NFX1: variants seen among roughly 807,000 people sequenced by gnomAD.
NFX1 encodes the protein nuclear transcription factor, X-box binding 1.
In NFX1, 69 loss-of-function variants were observed where a neutral mutation model predicts 137.2. The ratio of observed to expected loss-of-function variants is 0.50; its 90% CI spans 0.41 to 0.61. The LOEUF (loss-of-function observed/expected upper bound fraction) is 0.61, where lower values mean the gene tolerates loss of function less well. Among genes scored for constraint, NFX1 ranks in the 20% least tolerant of loss-of-function variants. The probability of loss-of-function intolerance (pLI) is 0.00; values close to 1 mark genes in which losing one functional copy is unlikely to be tolerated. For synonymous variants in NFX1, 495 were observed against 474.1 expected, an observed-to-expected ratio of 1.04 and a Z score of -0.57; for missense variants, 1,167 against 1,391.0, an observed-to-expected ratio of 0.84 and a Z score of 2.56.
chr9:33,307,728 G>A (rs935689250), intron 5 of NFX1, among the ~76,000 whole-genome samples: 3 of 151,110 alleles, frequency 2.0e-5, no homozygotes, highest in Non-Finnish European at 2.9e-5. Context: ...AAAGACAATT[G>A]TTTAGGGTCC....
At chr9:33,333,832 A>G (rs1274244179) in intron 11 of NFX1, among the ~76,000 whole-genome samples, 4 of 152,164 alleles carry the variant, frequency 2.6e-5, no homozygotes, top group Non-Finnish European at 2.9e-5. Context: ...TATCAAGGAA[A>G]AAAAGTTTGG....
chr9:33,299,319 C>T (rs998740707), intron 2 of NFX1, among the ~76,000 whole-genome samples: 4 of 152,192 alleles, frequency 2.6e-5, no homozygotes, highest in African/African-American at 9.7e-5. Context: ...GAGTCTCCTA[C>T]CATCTCTGAC....
chr9:33,368,831 G>T (rs1441447185), intron 23 of NFX1, among the ~76,000 whole-genome samples: 1 of 152,162 alleles, frequency 6.6e-6, no homozygotes. Flanking sequence ...AGACAGCTAG[G>T]TGTTGCCCAT....
chr9:33,303,113 C>T (rs1821632458), intron 3 of NFX1, 78 bp from the exon 4 acceptor site: 1 of 1,104,110 alleles, frequency 9.1e-7, no homozygotes, highest in South Asian at 1.3e-5. Flanking sequence ...TTGTGTCTTC[C>T]TATAGATTTA....
intron 10 of NFX1, among the ~76,000 whole-genome samples, chr9:33,331,039 G>A (rs766181742): frequency 3.3e-5 from 5 of 152,132 alleles, no homozygotes; most frequent in Admixed American, 3.3e-4. Flanking sequence ...GGTGGTGGGC[G>A]CCTGTAGTCC....
intron 7 of NFX1, among the ~76,000 whole-genome samples, chr9:33,314,834 G>T (rs936097332): frequency 6.6e-6 from 1 of 152,084 alleles, no homozygotes; most frequent in Non-Finnish European, 1.5e-5. Context: ...TGTTTTGGGT[G>T]GTGGTCACAC....
Position 33,328,670 on chromosome 9 carries a change from A to G in NFX1, c.1996A>G (p.Arg666Gly). 6.2e-7 allele frequency: 1 copy of G among 1,610,788 alleles called. No homozygotes were observed. The highest frequency in any genetic ancestry group is 1.1e-5 in the South Asian group (1 of 90,970). Residue 666 changes from arginine to glycine, a missense_variant, in exon 10 of 24, where the codon AGA (arginine) becomes GGA (glycine). By Grantham distance (125) the Arg-to-Gly change is moderately radical (BLOSUM62 -2). Coordinates refer to ENST00000379540, the MANE Select transcript of NFX1 (RefSeq NM_002504.6). ...TSVISCRCSF[R>G]TKELPCTSLK... ...AGTTATTTCCTGCAGATGCTCTTTC[A>G]GAACAAAGGTAAATCCTAAACAATG...
rs1824306640 is a variant in NFX1, at chr9:33,370,909, A to C, written c.*931A>C. ...TGGACTCTGTTTGAATATTCCAAGT[A>C]GTATATGGACAGTCCAGGGCTTATG... On this transcript the variant is annotated 3_prime_UTR_variant, in exon 24 of 24. Transcript: ENST00000379540. 1 of 152,242 alleles carries C rather than the reference A, an allele frequency of 6.6e-6. No homozygotes were observed. Among genetic ancestry groups the C allele is most frequent in the Admixed American group, 6.5e-5 (1 of 15,280 alleles). 9.4% of individuals were successfully genotyped at this position (152,242 alleles called of 1,614,324 possible).
intron 12 of NFX1, among the ~76,000 whole-genome samples, chr9:33,339,953 G>C (rs1019543557): frequency 2.6e-5 from 4 of 152,226 alleles, no homozygotes; most frequent in South Asian, 2.1e-4. Flanking sequence ...GCAGTGTGCA[G>C]CCCCCCTCCC....
chr9:33,332,582 G>A (rs1822847833), intron 11 of NFX1, 80 bp downstream of exon 11: 4 of 1,065,018 alleles, frequency 3.8e-6, no homozygotes, highest in Non-Finnish European at 5.5e-6. Flanking sequence ...GTTGGGTTAT[G>A]TATTTGTCAA....
intron 15 of NFX1, 128 bp downstream of exon 15, chr9:33,347,245 A>G (rs1823456809): frequency 1.2e-5 from 8 of 689,704 alleles, no homozygotes; most frequent in Non-Finnish European, 1.9e-5. Flanking sequence ...ATTGCTTAAA[A>G]ATTTTTTCTT....
chr9:33,318,194 C>A (rs1822246614), intron 7 of NFX1, among the ~76,000 whole-genome samples: 1 of 151,862 alleles, frequency 6.6e-6, no homozygotes, highest in Non-Finnish European at 1.5e-5. Flanking sequence ...TTTTAAATTT[C>A]TTTTTGGCAA....
Position 33,300,664 on chromosome 9 carries a change from C to T in NFX1, c.1034-599C>T, listed in dbSNP as rs116580996. On this transcript the variant is annotated intron_variant, in intron 2 of 23. Coordinates refer to ENST00000379540, the MANE Select transcript of NFX1 (RefSeq NM_002504.6). The stretch of plus-strand genomic sequence containing the variant: ...TAGATCTGGGAGGATTATTCTGATA[C>T]TACACACTGGTCTGTGTCACTGGAC... 2.9e-3 allele frequency among the ~76,000 whole-genome samples: 438 copies of T among 152,318 alleles called. 1 individual carries two copies. The highest frequency in any genetic ancestry group is 9.2e-3 in the African/African-American group (383 of 41,562).
Position 33,330,367 on chromosome 9 carries a change from C to A in NFX1, c.2004+1689C>A, listed in dbSNP as rs1439312943. Among the ~76,000 whole-genome samples the A allele has an allele frequency of 2.0e-5, 3 of 152,060 alleles. No individual in the cohort carries two copies. In the East Asian group the frequency reaches 5.8e-4, roughly 29 times the overall value. On this transcript the variant is annotated intron_variant, in intron 10 of 23. Coordinates refer to ENST00000379540, the MANE Select transcript of NFX1 (RefSeq NM_002504.6). ...ATGGGAAGCTAGTTTAATAGGAAAA[C>A]TTCAGAAAAAAGGGAAAAGTAGTAT...
At chr9:33,315,157 G>A (rs991160691) in intron 7 of NFX1, among the ~76,000 whole-genome samples, 2 of 151,630 alleles carry the variant, frequency 1.3e-5, no homozygotes, top group Non-Finnish European at 2.9e-5. Context: ...CCTGGGAGGC[G>A]GAGGTTGCAG....
chr9:33,321,477 A>G (rs1822381387), intron 9 of NFX1, among the ~76,000 whole-genome samples: 1 of 150,914 alleles, frequency 6.6e-6, no homozygotes, highest in South Asian at 2.1e-4. Flanking sequence ...ACACAGCTTC[A>G]GTATAAGAGA....
In NFX1 at chr9:33,343,929, CCT is replaced by C. The variant is rs1823316126; in HGVS notation, c.2225-137_2225-136del. 18 of 1,045,890 alleles carry C rather than the reference CCT, an allele frequency of 1.7e-5. No homozygotes were observed. The East Asian group carries it at 3.9e-4, about 23-fold the overall frequency. 64.8% of individuals were successfully genotyped at this position (1,045,890 alleles called of 1,614,324 possible). A position where few individuals can be genotyped will look rare whatever the true frequency, so the allele number is the denominator to read the frequency against. On this transcript the variant is annotated intron_variant, in intron 13 of 23. Coordinates refer to ENST00000379540, the MANE Select transcript of NFX1 (RefSeq NM_002504.6). ...AAATAAAAGTTTAATAAAATAAAAA[CCT>C]CTTTTGAAAAAAGTAGCACCCCCAT...
At chr9:33,356,150 C>T (rs1306203522) in intron 19 of NFX1, among the ~76,000 whole-genome samples, 1 of 152,178 alleles carries the variant, frequency 6.6e-6, no homozygotes, top group African/African-American at 2.4e-5. Flanking sequence ...TTGAAATTGT[C>T]ACTTTTTAAT....
intron 11 of NFX1, among the ~76,000 whole-genome samples, chr9:33,335,274 A>G (rs1191119642): frequency 7.7e-6 from 1 of 130,190 alleles, no homozygotes; most frequent in Admixed American, 8.8e-5. Flanking sequence ...CTTGTTGCCC[A>G]GGCTGGAGTG....
Sources: allele counts gnomAD v4.1 joint callset (sites outside exome capture counted in the v4.1 genomes callset), GRCh38; gene constraint gnomAD v4.1.1; transcripts MANE v1.5; gene names NCBI Gene and HGNC (gene_info 2026-07-23, HGNC 2026-07-21).